The following DCBLD2 variants were observed in gnomAD, a reference collection of about 807,000 sequenced individuals.
The protein encoded by DCBLD2 is discoidin, CUB and LCCL domain containing 2.
A neutral mutation model predicts 86.8 loss-of-function variants in DCBLD2; 54 were observed. That is an observed-to-expected ratio of 0.62 (90% confidence interval 0.50 to 0.78). The LOEUF is 0.78. DCBLD2 is among the 30% of genes least tolerant of loss of function. The probability of loss-of-function intolerance (pLI) is 0.00; values close to 1 mark genes in which losing one functional copy is unlikely to be tolerated. For synonymous variants in DCBLD2, 354 were observed against 341.3 expected (o/e 1.04, Z -0.41); for missense variants, 908 against 954.2 (o/e 0.95, Z 0.64).
chr3:98,896,660 C>G (rs1470549220), intron 1 of DCBLD2, among the ~76,000 whole-genome samples: 1 of 152,068 alleles, frequency 6.6e-6, no homozygotes, highest in Non-Finnish European at 1.5e-5. Flanking sequence ...TAATCATCTA[C>G]GTTTTTAGTT....
At chr3:98,894,386 T>C (rs1236649052) in intron 1 of DCBLD2, among the ~76,000 whole-genome samples, 1 of 152,106 alleles carries the variant, frequency 6.6e-6, no homozygotes, top group Non-Finnish European at 1.5e-5. Context: ...ACTTTTATAA[T>C]ATTGGAGATG....
At chr3:98,861,310 AG>A (rs1943039567) in intron 2 of DCBLD2, among the ~76,000 whole-genome samples, 2 of 49,952 alleles carry the variant, frequency 4.0e-5, no homozygotes, top group Non-Finnish European at 9.8e-5. Flanking sequence ...AGCATTAGAC[AG>A]ATCAATGAGA....
intron 3 of DCBLD2, among the ~76,000 whole-genome samples, chr3:98,841,748 C>T: frequency 6.6e-6 from 1 of 152,178 alleles, no homozygotes; most frequent in East Asian, 1.9e-4. Flanking sequence ...CAGTTGAACT[C>T]AAGTGCCTAT....
chr3:98,851,324 G>T (rs1397645019), intron 2 of DCBLD2, among the ~76,000 whole-genome samples: 1 of 152,086 alleles, frequency 6.6e-6, no homozygotes, highest in African/African-American at 2.4e-5. Context: ...CAAATCATGA[G>T]AGAACTCCCA....
chr3:98,810,063 G>C (rs278380), intron 12 of DCBLD2, among the ~76,000 whole-genome samples: 46,857 of 152,048 alleles, frequency 0.31, 8,629 homozygotes, highest in East Asian at 0.68. Flanking sequence ...CTCATTCTTT[G>C]TTATTCTTTT....
intron 2 of DCBLD2, among the ~76,000 whole-genome samples, chr3:98,862,279 C>G (rs959319256): frequency 6.6e-6 from 1 of 152,170 alleles, no homozygotes; most frequent in African/African-American, 2.4e-5. Flanking sequence ...CAGCCAAATT[C>G]TACCAGAGGT....
chr3:98,899,777 T>A (rs958197685), intron 1 of DCBLD2, among the ~76,000 whole-genome samples: 2 of 152,196 alleles, frequency 1.3e-5, no homozygotes, highest in Non-Finnish European at 2.9e-5. Context: ...TAACAATAAC[T>A]ATCTCAGCTG....
At chr3:98,858,139 C>T (rs749251475) in intron 2 of DCBLD2, among the ~76,000 whole-genome samples, 2 of 152,328 alleles carry the variant, frequency 1.3e-5, no homozygotes, top group Admixed American at 6.5e-5. Context: ...TAAGGCCCAG[C>T]GAAAAGTCAC....
chr3:98,877,101 T>A (rs1000214928), intron 2 of DCBLD2, among the ~76,000 whole-genome samples: 1 of 152,202 alleles, frequency 6.6e-6, no homozygotes, highest in Non-Finnish European at 1.5e-5. Flanking sequence ...ATGTCACTTA[T>A]CTACCTTTTT....
intron 2 of DCBLD2, among the ~76,000 whole-genome samples, chr3:98,852,743 A>G (rs1240313784): frequency 1.3e-5 from 2 of 152,232 alleles, no homozygotes; most frequent in African/African-American, 4.8e-5. Flanking sequence ...GAATGCAAAC[A>G]TCTATGTAGC....
rs1941669465 is a variant in DCBLD2 at position 98,799,304 on chromosome 3, A to C, written c.*68T>G. 11 of 1,348,586 alleles carry C rather than the reference A, an allele frequency of 8.2e-6. No homozygotes were observed. The highest frequency in any genetic ancestry group is 1.1e-5 in the Non-Finnish European group (11 of 1,021,800). 83.5% of individuals were successfully genotyped at this position (1,348,586 alleles called of 1,614,324 possible). On this transcript the variant is annotated 3_prime_UTR_variant, in exon 16 of 16. Transcript: ENST00000326840. ...TATGTAATACATTCTATATATTACT[A>C]CCACTAATAATTAAAAAAAAAAGGC...
chr3:98,799,326 AGGC>A lies in DCBLD2; in HGVS notation c.*43_*45del. 6.6e-7 allele frequency: 1 copy of A among 1,519,088 alleles called. No homozygotes were observed. The highest frequency in any genetic ancestry group is 8.8e-7 in the Non-Finnish European group (1 of 1,133,376). 94.1% of individuals were successfully genotyped at this position (1,519,088 alleles called of 1,614,324 possible). A position where few individuals can be genotyped will look rare whatever the true frequency, so the allele number is the denominator to read the frequency against. On this transcript the variant is annotated 3_prime_UTR_variant, in exon 16 of 16. Transcript: ENST00000326840. ...ACTACCACTAATAATTAAAAAAAAA[AGGC>A]CATGTGCTTTAAAACGATGCTTTGT...
At chr3:98,826,211 T>A (rs1942218138) in intron 3 of DCBLD2, among the ~76,000 whole-genome samples, 1 of 152,182 alleles carries the variant, frequency 6.6e-6, no homozygotes, top group Non-Finnish European at 1.5e-5. Flanking sequence ...TTTCAGTGGC[T>A]TCCTTCTCTT....
intron 13 of DCBLD2, among the ~76,000 whole-genome samples, chr3:98,802,402 TG>T (rs1288503322): frequency 6.6e-6 from 1 of 151,930 alleles, no homozygotes; most frequent in Non-Finnish European, 1.5e-5. Context: ...TTGATGGGGT[TG>T]TTTTTTTTTC....
chr3:98,805,312 T>C (rs1286543377), intron 13 of DCBLD2, among the ~76,000 whole-genome samples: 1 of 152,182 alleles, frequency 6.6e-6, no homozygotes, highest in African/African-American at 2.4e-5. Flanking sequence ...AAAAAAATAC[T>C]GATTAAACAC....
At position 98,801,645 on chromosome 3, in the gene DCBLD2, T is replaced by C; in HGVS notation, c.1675A>G (p.Lys559Glu). Reference protein sequence around the residue: ...VCAWHWRNRKKKTEGTYDLPY... With the variant: ...VCAWHWRNRKEKTEGTYDLPY... ...AAGTCATAGGTGCCTTCAGTTTTTT[T>C]CTTTCTGGAAAAATACAGAAGAGAA... The change falls in exon 14 of 16, where the codon AAA becomes GAA. Residue 559 changes from lysine (K) to glutamate (E), a missense_variant. Coordinates refer to ENST00000326840, the MANE Select transcript of DCBLD2 (RefSeq NM_080927.4). 6.2e-7 allele frequency: 1 copy of C among 1,606,274 alleles called. No homozygotes were observed. The highest frequency in any genetic ancestry group is 8.5e-7 in the Non-Finnish European group (1 of 1,176,036).
intron 2 of DCBLD2, among the ~76,000 whole-genome samples, chr3:98,871,667 CTGGTTTGCTAGAATT>C (rs1253858145): frequency 6.6e-6 from 1 of 152,012 alleles, no homozygotes; most frequent in Non-Finnish European, 1.5e-5. Context: ...ACTGCTGAAT[CTGGTTTGCTAGAATT>C]TTGTTGAGGA....
chr3:98,811,207 T>G lies in DCBLD2; in HGVS notation c.1563A>C (p.Pro521=). ...ATGTTTGCATACCTTTGGTTACATT[T>G]GGAGTTACGGTAGTATTTCTGATAT... ...SPDIRNTTVT[P]NVTKDVALAA... The change falls in exon 12 of 16, where the codon CCA becomes CCC. Residue 521 remains proline, a synonymous_variant. Coordinates refer to ENST00000326840, the MANE Select transcript of DCBLD2 (RefSeq NM_080927.4). 3 of 1,606,174 alleles carry G rather than the reference T, an allele frequency of 1.9e-6. No homozygotes were observed. The highest frequency in any genetic ancestry group is 2.5e-6 in the Non-Finnish European group (3 of 1,177,608).
In DCBLD2 at chr3:98,886,093, G is replaced by C. The variant is rs183132015; in HGVS notation, c.206-4326C>G. 2.9e-4 allele frequency among the ~76,000 whole-genome samples: 44 copies of C among 152,012 alleles called. No individual in the cohort carries two copies. In the East Asian group the frequency reaches 7.5e-3, roughly 26 times the overall value. On this transcript the variant is annotated intron_variant, in intron 1 of 15. Transcript: ENST00000326840. ...GGTTCCATTTGGCCCAAAGGGTAAT[G>C]CTGTTCTATTCACTAAGAGACTGGT...
Sources: gnomAD v4.1 joint callset for allele counts (sites outside exome capture counted in the v4.1 genomes callset) on GRCh38, gnomAD v4.1.1 for gene constraint, MANE v1.5 for transcripts, NCBI Gene and HGNC (gene_info 2026-07-23, HGNC 2026-07-21) for gene names.